The following CD27 variants were observed in gnomAD, a reference collection of about 807,000 sequenced individuals.
CD27 encodes CD27 antigen.
CD27 carries 16 observed loss-of-function variants against 25.9 expected under a neutral mutation model. That is an observed-to-expected ratio of 0.62 (90% CI 0.42 to 0.94). The LOEUF is 0.94. Among genes scored for constraint, CD27 ranks in the 40% least tolerant of loss-of-function variants. The pLI is 0.00. For missense variants in CD27, 300 were observed against 333.2 expected (o/e 0.90, Z 0.78); for synonymous variants, 142 against 124.3 (o/e 1.14, Z -0.95).
intron 5 of CD27, 116 bp downstream of exon 5, chr12:6,451,130 T>C: frequency 6.4e-7 from 1 of 1,551,876 alleles, no homozygotes; most frequent in Non-Finnish European, 8.8e-7. Flanking sequence ...TCACCAGCCT[T>C]GGTCCTACCC....
rs71584831 is a variant in CD27, at chr12:6,450,284, C to T, written c.380C>T (p.Ser127Leu). Residue 127 changes from serine to leucine, a missense_variant, in exon 3 of 6, where the codon TCG becomes TTG. Transcript: ENST00000266557. The surrounding 1 kb of genome is among the most constrained non-coding windows in gnomAD (Gnocchi z 4.1). ...GAGTGTGATCCTCTTCCAAACCCTT[C>T]GCTGACCGCTCGGTCGTCTCAGGCC... ...CTECDPLPNP[S>L]LTARSSQALS... 6 of 1,613,788 alleles carry T rather than the reference C, an allele frequency of 3.7e-6. No homozygotes were observed. The highest frequency in any genetic ancestry group is 1.7e-5 in the Admixed American group (1 of 60,000).
In CD27 at chr12:6,445,231, G is replaced by A; in HGVS notation, c.136G>A (p.Gly46Arg). ...GCTGTGCTGCCAGATGTGTGAGCCA[G>A]GTAAGAGGGGGCCTTGGTAAGGGCC... ...GKLCCQMCEP[G>R]TFLVKDCDQH... Residue 46 changes from glycine to arginine, a missense_variant and splice_region_variant, in exon 1 of 6, where the codon GGA becomes AGA. Physicochemically the swap from Gly to Arg is moderately radical, Grantham distance 125 (BLOSUM62 -2). Transcript: ENST00000266557. This position sits in a 1 kb window ranked among gnomAD's most constrained non-coding sequence, Gnocchi z 4.5. 2 of 1,614,026 alleles carry A rather than the reference G, an allele frequency of 1.2e-6. No homozygotes were observed. Among genetic ancestry groups the A allele is most frequent in the Non-Finnish European group, 1.7e-6 (2 of 1,179,976 alleles).
chr12:6,445,638 G>T lies in CD27; in HGVS notation c.268+83G>T. On this transcript the variant is annotated intron_variant, in intron 2 of 5. Transcript: ENST00000266557. This position sits in a 1 kb window ranked among gnomAD's most constrained non-coding sequence, Gnocchi z 4.5. Reference sequence around the variant, plus strand: ...GCTGGTGACGGGTTTGGGGGTGCAAGGAGGATGACGGGGCCAAAGCTTTGG... The same window carrying T: ...GCTGGTGACGGGTTTGGGGGTGCAATGAGGATGACGGGGCCAAAGCTTTGG... 6.6e-7 allele frequency: 1 copy of T among 1,508,956 alleles called. No homozygotes were observed. The highest frequency in any genetic ancestry group is 2.3e-5 in the East Asian group (1 of 42,790). 93.5% of individuals were successfully genotyped at this position (1,508,956 alleles called of 1,614,324 possible).
upstream of CD27, among the ~76,000 whole-genome samples, chr12:6,443,915 G>A (rs897134181): frequency 1.3e-5 from 2 of 152,118 alleles, no homozygotes; most frequent in Non-Finnish European, 2.9e-5. Context: ...GAGTGGAGGA[G>A]GCTGTTGACC....
chr12:6,450,398 A>G lies in CD27; in HGVS notation c.448+46A>G. The G allele has an allele frequency of 8.3e-6, 13 of 1,561,508 alleles. No individual in the cohort carries two copies. The highest frequency in any genetic ancestry group is 1.1e-5 in the Non-Finnish European group (13 of 1,141,140). On this transcript the variant is annotated intron_variant, in intron 3 of 5. Transcript: ENST00000266557. The surrounding 1 kb of genome is among the most constrained non-coding windows in gnomAD (Gnocchi z 4.1). ...TGTGCCATCACGTGGGGTAGCGGTG[A>G]TACCCCAACCAGTACTCCCCACTCC...
chr12:6,444,682 G>A (rs1949386779), upstream of CD27, among the ~76,000 whole-genome samples: 1 of 141,862 alleles, frequency 7.0e-6, no homozygotes, highest in Admixed American at 7.3e-5. Context: ...GGTAACGTGG[G>A]CACCTTTGTG....
intron 2 of CD27, among the ~76,000 whole-genome samples, chr12:6,449,873 A>C (rs1307152744): frequency 6.6e-6 from 1 of 152,098 alleles, no homozygotes; most frequent in Non-Finnish European, 1.5e-5. Context: ...AAAAAATAAA[A>C]AATGTATCAG....
rs560027907 is a variant in CD27, at chr12:6,445,799, G to A, written c.268+244G>A. Among the ~76,000 whole-genome samples the A allele has an allele frequency of 6.6e-6, 1 of 152,258 alleles. No homozygotes were observed. The highest frequency in any genetic ancestry group is 6.5e-5 in the Admixed American group (1 of 15,294). ...GAATTTGAGGGATTGGTGAGAACGG[G>A]TCTATGGATAGGATCAAGACAATAA... On this transcript the variant is annotated intron_variant, in intron 2 of 5. Transcript: ENST00000266557. The surrounding 1 kb of genome is among the most constrained non-coding windows in gnomAD (Gnocchi z 4.5).
chr12:6,447,455 A>G (rs1161804684), intron 2 of CD27: 3 of 152,074 alleles, frequency 2.0e-5, no homozygotes, highest in African/African-American at 7.2e-5. Flanking sequence ...GGGTGAGAAG[A>G]TGGGTGGGCT....
chr12:6,447,044 CCA>C (rs1949425826), intron 2 of CD27: 1 of 151,762 alleles, frequency 6.6e-6, no homozygotes, highest in African/African-American at 2.4e-5. Flanking sequence ...CGTGACTGTA[CCA>C]CTGCACTCCA....
chr12:6,450,442 G>A lies in CD27; in HGVS notation c.448+90G>A, dbSNP rs941781474. 13 of 1,531,706 alleles carry A rather than the reference G, an allele frequency of 8.5e-6. No homozygotes were observed. Among genetic ancestry groups the A allele is most frequent in the Non-Finnish European group, 1.2e-5 (13 of 1,117,204 alleles). The allele number at this position is 1,531,706 out of a possible 1,614,324, so 94.9% of individuals were successfully genotyped here. ...CCACTCCTACCCCTAGATAAGGTCA[G>A]CCTGTTTCTGCCTTCCCATCCCATC... On this transcript the variant is annotated intron_variant, in intron 3 of 5. Transcript: ENST00000266557. The surrounding 1 kb of genome is among the most constrained non-coding windows in gnomAD (Gnocchi z 4.1).
chr12:6,450,816 C>G lies in CD27; in HGVS notation c.539-79C>G. The stretch of plus-strand genomic sequence containing the variant: ...AATAAGGTGGGGGAAAGGGGAGAGG[C>G]AAGGTGACAGGAGGGCTGGGCTGAG... On this transcript the variant is annotated intron_variant, in intron 4 of 5. Transcript: ENST00000266557. The surrounding 1 kb of genome is among the most constrained non-coding windows in gnomAD (Gnocchi z 4.1). The G allele has an allele frequency of 6.3e-7, 1 of 1,584,548 alleles. No individual in the cohort carries two copies. The highest frequency in any genetic ancestry group is 1.1e-5 in the South Asian group (1 of 89,630).
In CD27 at chr12:6,445,359, A is replaced by T. The variant is rs1949399469; in HGVS notation, c.137-65A>T. ...GGAAATCCTGCAGCTGTGGGGAGGC[A>T]CCACCTTGAAGAGGGCAGAGAACCA... is the stretch of plus-strand genomic sequence containing the variant. On this transcript the variant is annotated intron_variant, in intron 1 of 5. Transcript: ENST00000266557. The surrounding 1 kb of genome is among the most constrained non-coding windows in gnomAD (Gnocchi z 4.5). 4.3e-6 allele frequency: 7 copies of T among 1,609,718 alleles called. No individual in the cohort carries two copies. The South Asian group carries it at 7.7e-5, about 18-fold the overall frequency.
At chr12:6,449,534 T>C (rs1442999629) in intron 2 of CD27, among the ~76,000 whole-genome samples, 1 of 152,160 alleles carries the variant, frequency 6.6e-6, no homozygotes, top group Non-Finnish European at 1.5e-5. Flanking sequence ...TGTACGTATA[T>C]TATACTTTAA....
In CD27 at chr12:6,445,819, C is replaced by A. The variant is rs758659963; in HGVS notation, c.268+264C>A. Among the ~76,000 whole-genome samples the A allele has an allele frequency of 1.3e-5, 2 of 152,058 alleles. No homozygotes were observed. Among genetic ancestry groups the A allele is most frequent in the Non-Finnish European group, 2.9e-5 (2 of 68,008 alleles). ...AACGGGTCTATGGATAGGATCAAGACAATAAAATGAGAGAAGTGGCTCTAT... is the reference window on the plus strand; with the variant it reads ...AACGGGTCTATGGATAGGATCAAGAAAATAAAATGAGAGAAGTGGCTCTAT... On this transcript the variant is annotated intron_variant, in intron 2 of 5. Coordinates refer to ENST00000266557, the MANE Select transcript of CD27 (RefSeq NM_001242.5). This position sits in a 1 kb window ranked among gnomAD's most constrained non-coding sequence, Gnocchi z 4.5.
upstream of CD27, among the ~76,000 whole-genome samples, chr12:6,444,032 A>T (rs11569356): frequency 6.6e-3 from 1,009 of 152,326 alleles, 11 homozygotes; most frequent in South Asian, 0.027. Context: ...TGACCCCCGT[A>T]GGAAGCTACC....
rs1339068583 is a variant in CD27 at position 6,450,341 on chromosome 12, C to T, written c.437C>T (p.Pro146Leu). Residue 146 changes from proline to leucine, a missense_variant, in exon 3 of 6, where the codon CCT (proline) becomes CTT (leucine). Pro to Leu is a moderately conservative substitution (Grantham distance 98). Transcript: ENST00000266557. This position sits in a 1 kb window ranked among gnomAD's most constrained non-coding sequence, Gnocchi z 4.1. Reference protein sequence around the residue: ...LSPHPQPTHLPYVSEMLEART... With the variant: ...LSPHPQPTHLLYVSEMLEART... ...CCACACCCTCAGCCCACCCACTTAC[C>T]TTATGTCAGTGGTAAGTTCCAGGCA... 4 of 1,611,962 alleles carry T rather than the reference C, an allele frequency of 2.5e-6. No individual in the cohort carries two copies. In the South Asian group the frequency reaches 4.4e-5, roughly 18 times the overall value.
At position 6,450,856 on chromosome 12, in the gene CD27, G is replaced by A; in HGVS notation, c.539-39G>A. The A allele has an allele frequency of 1.2e-6, 2 of 1,613,526 alleles. No individual in the cohort carries two copies. Among genetic ancestry groups the A allele is most frequent in the Non-Finnish European group, 1.7e-6 (2 of 1,179,758 alleles). On this transcript the variant is annotated intron_variant, in intron 4 of 5. Transcript: ENST00000266557. The surrounding 1 kb of genome is among the most constrained non-coding windows in gnomAD (Gnocchi z 4.1). ...GCTGGGCTGAGGGAGCCAAGGGCTAGACCCTCCCCTAACCCCTGTGTGTCC... is the reference window on the plus strand; with the variant it reads ...GCTGGGCTGAGGGAGCCAAGGGCTAAACCCTCCCCTAACCCCTGTGTGTCC...
chr12:6,450,630 C>G lies in CD27; in HGVS notation c.538C>G (p.Pro180Ala), dbSNP rs757920860. The G allele has an allele frequency of 2.5e-6, 4 of 1,611,276 alleles. No individual in the cohort carries two copies. Among genetic ancestry groups the G allele is most frequent in the African/African-American group, 2.7e-5 (2 of 74,932 alleles). Residue 180 changes from proline (P) to alanine (A), a missense_variant and splice_region_variant, in exon 4 of 6, where the codon CCC (proline) becomes GCC (alanine). Pro to Ala is a conservative substitution (Grantham distance 27). Coordinates refer to ENST00000266557, the MANE Select transcript of CD27 (RefSeq NM_001242.5). This position sits in a 1 kb window ranked among gnomAD's most constrained non-coding sequence, Gnocchi z 4.1. The part of the protein sequence containing the change: ...PARTLSTHWP[P>A]QRSLCSSDFI... Reference sequence around the variant, plus strand: ...CCGGACTCTCTCTACCCACTGGCCACGTGAGTTTTCTCCTTAATCCCCACC... The same window carrying G: ...CCGGACTCTCTCTACCCACTGGCCAGGTGAGTTTTCTCCTTAATCCCCACC...
Sources: gnomAD v4.1 joint callset for allele counts (sites outside exome capture counted in the v4.1 genomes callset) on GRCh38, gnomAD v4.1.1 for gene constraint, Gnocchi (gnomAD v3.1) non-coding constraint, MANE v1.5 for transcripts, NCBI Gene and HGNC (gene_info 2026-07-23, HGNC 2026-07-21) for gene names.